Variants in NBAS observed in about 807,000 individuals in gnomAD.
NBAS encodes NAG/BC035112 fusion.
Under a neutral mutation model 302.5 loss-of-function variants are expected in NBAS, and 219 were observed. The ratio of observed to expected loss-of-function variants is 0.72; its 90% CI spans 0.65 to 0.81. NBAS has a LOEUF of 0.81. NBAS is among the 30% of genes least tolerant of loss of function. The pLI is 0.00. For synonymous variants in NBAS, 1,118 were observed against 1,021.6 expected (o/e 1.09, Z -1.80); for missense variants, 2,932 against 2,841.6 (o/e 1.03, Z -0.72).
intron 48 of NBAS, among the ~76,000 whole-genome samples, chr2:15,207,058 A>G: frequency 6.6e-6 from 1 of 152,160 alleles, no homozygotes; most frequent in Admixed American, 6.5e-5. Context: ...GTGCACCTGA[A>G]AAAGCCATAG....
chr2:15,188,396 A>G (rs1480549890), intron 49 of NBAS, among the ~76,000 whole-genome samples: 2 of 152,066 alleles, frequency 1.3e-5, no homozygotes, highest in East Asian at 3.9e-4. Context: ...TATTTATTCA[A>G]TTGGATTGTC....
In NBAS at chr2:15,452,542, C is replaced by T. The variant is rs537385853; in HGVS notation, c.2339+8659G>A. ...GGCGGAGCTTGCACTGAGCCGAGATCGCGCCACTGCACTCCAGCCTGGGCA... is the reference window on the plus strand; with the variant it reads ...GGCGGAGCTTGCACTGAGCCGAGATTGCGCCACTGCACTCCAGCCTGGGCA... On this transcript the variant is annotated intron_variant, in intron 21 of 51. Coordinates refer to ENST00000281513, the MANE Select transcript of NBAS (RefSeq NM_015909.4). 5.9e-4 allele frequency among the ~76,000 whole-genome samples: 88 copies of T among 150,184 alleles called. 2 individuals carry two copies. In the South Asian group the frequency reaches 0.017, roughly 28 times the overall value.
At chr2:15,290,998 A>G (rs1440372365) in intron 41 of NBAS, among the ~76,000 whole-genome samples, 1 of 152,280 alleles carries the variant, frequency 6.6e-6, no homozygotes, top group African/African-American at 2.4e-5. Context: ...AATGATAATG[A>G]TAAAAAATAA....
chr2:15,020,648 C>A, the NBAS span, among the ~76,000 whole-genome samples: 1 of 152,172 alleles, frequency 6.6e-6, no homozygotes, highest in Non-Finnish European at 1.5e-5. Flanking sequence ...GAACTCCACT[C>A]CTGAGAGCAA....
the NBAS span, among the ~76,000 whole-genome samples, chr2:15,084,190 A>T: frequency 2.0e-5 from 3 of 152,208 alleles, no homozygotes; most frequent in Admixed American, 2.0e-4. Flanking sequence ...CTGGAACTAC[A>T]GGTGTCCACC....
At chr2:15,185,781 T>A (rs1242036690) in intron 50 of NBAS, among the ~76,000 whole-genome samples, 2 of 151,936 alleles carry the variant, frequency 1.3e-5, no homozygotes, top group Non-Finnish European at 2.9e-5. Context: ...CAAAAATCAA[T>A]AAAAAAAATC....
the NBAS span, among the ~76,000 whole-genome samples, chr2:14,947,434 T>C: frequency 1.3e-5 from 2 of 152,104 alleles, no homozygotes; most frequent in African/African-American, 4.8e-5. Flanking sequence ...AATAAATTAC[T>C]GGAAATATAC....
At chr2:15,461,614 CAT>C (rs1182138577) in intron 20 of NBAS, 71 bp downstream of exon 20, 1 of 943,054 alleles carries the variant, frequency 1.1e-6, no homozygotes, top group Non-Finnish European at 1.7e-6. Flanking sequence ...CACACAATAA[CAT>C]TAACTGCACA....
chr2:15,359,853 C>G (rs997909127), intron 32 of NBAS, among the ~76,000 whole-genome samples: 1 of 152,094 alleles, frequency 6.6e-6, no homozygotes, highest in African/African-American at 2.4e-5. Context: ...AGTTGCTTAA[C>G]AAGAGGAATA....
intron 40 of NBAS, among the ~76,000 whole-genome samples, chr2:15,307,785 C>A (rs1671094931): frequency 6.6e-6 from 1 of 151,954 alleles, no homozygotes; most frequent in African/African-American, 2.4e-5. Flanking sequence ...GTCCGTACAA[C>A]TGACTACTCT....
intron 44 of NBAS, among the ~76,000 whole-genome samples, chr2:15,253,545 C>T (rs977639710): frequency 6.6e-6 from 1 of 152,210 alleles, no homozygotes; most frequent in Non-Finnish European, 1.5e-5. Context: ...AGCCTTCCAA[C>T]AGGGACGCAG....
chr2:15,119,201 G>T, the NBAS span, among the ~76,000 whole-genome samples: 1 of 152,040 alleles, frequency 6.6e-6, no homozygotes, highest in South Asian at 2.1e-4. Flanking sequence ...TCTCACATTT[G>T]TTTGGGATCT....
chr2:15,262,623 T>C (rs1668900652), intron 44 of NBAS, among the ~76,000 whole-genome samples: 1 of 152,224 alleles, frequency 6.6e-6, no homozygotes, highest in Non-Finnish European at 1.5e-5. Context: ...GCTTATGATG[T>C]GTCTAAGATC....
At chr2:14,915,889 T>C in the NBAS span, among the ~76,000 whole-genome samples, 5 of 152,108 alleles carry the variant, frequency 3.3e-5, no homozygotes, top group Admixed American at 3.3e-4. Context: ...GGAGTTTCTC[T>C]GCACAAGCCC....
the NBAS span, among the ~76,000 whole-genome samples, chr2:14,824,758 A>C: frequency 6.6e-6 from 1 of 152,174 alleles, no homozygotes; most frequent in Non-Finnish European, 1.5e-5. Context: ...GAGCTGGAGT[A>C]ATCGGCGATT....
chr2:15,137,953 G>A, the NBAS span, among the ~76,000 whole-genome samples: 1 of 152,060 alleles, frequency 6.6e-6, no homozygotes, highest in East Asian at 1.9e-4. Context: ...AGGATTTTTT[G>A]CTTCTACTCA....
At chr2:15,059,896 A>C in the NBAS span, among the ~76,000 whole-genome samples, 2 of 149,212 alleles carry the variant, frequency 1.3e-5, no homozygotes, top group Middle Eastern at 3.3e-3. Flanking sequence ...ACAGGAAAGC[A>C]TGTATTTGTA....
chr2:14,947,668 G>C, the NBAS span, among the ~76,000 whole-genome samples: 1 of 152,026 alleles, frequency 6.6e-6, no homozygotes, highest in Non-Finnish European at 1.5e-5. Flanking sequence ...CCAGTACTAT[G>C]TTGAACACAA....
chr2:14,840,896 A>C, the NBAS span, among the ~76,000 whole-genome samples: 2 of 152,060 alleles, frequency 1.3e-5, no homozygotes, highest in Admixed American at 1.3e-4. Context: ...CAATATTTTT[A>C]TTGTAATATG....
Sources: gnomAD v4.1 joint callset for allele counts (sites outside exome capture counted in the v4.1 genomes callset) on GRCh38, gnomAD v4.1.1 for gene constraint, MANE v1.5 for transcripts, NCBI Gene and HGNC (gene_info 2026-07-23, HGNC 2026-07-21) for gene names.